The following APBA2 variants were observed in gnomAD, a reference collection of about 807,000 sequenced individuals.
APBA2 encodes amyloid beta precursor protein binding family A member 2, also known as amyloid-beta A4 precursor protein-binding family A member 2.
A neutral mutation model predicts 75.0 loss-of-function variants in APBA2; 30 were observed. The observed-to-expected ratio is 0.40, with a 90% CI of 0.30 to 0.54. APBA2 has a LOEUF of 0.54. Ranked by LOEUF, APBA2 falls within the 20% of genes least tolerant of loss-of-function variation. The probability of loss-of-function intolerance (pLI) is 0.49; values close to 1 mark genes in which losing one functional copy is unlikely to be tolerated. For missense variants in APBA2, 801 were observed against 1,016.1 expected, an observed-to-expected ratio of 0.79 and a Z score of 2.88; for synonymous variants, 444 against 409.6, an observed-to-expected ratio of 1.08 and a Z score of -1.01.
rs143649138 is a variant in APBA2, at chr15:29,054,294, C to T, written c.410C>T (p.Ala137Val). ...GTGGACACTGATGAGTGCCAGGAGGCGGTGGAGGAGTGGACGGACTCGGCG... is the reference window on the plus strand; with the variant it reads ...GTGGACACTGATGAGTGCCAGGAGGTGGTGGAGGAGTGGACGGACTCGGCG... Reference protein sequence around the residue: ...HPVDTDECQEAVEEWTDSAGP... With the variant: ...HPVDTDECQEVVEEWTDSAGP... The change falls in exon 4 of 15, where the codon GCG (alanine) becomes GTG (valine). Residue 137 changes from alanine to valine, a missense_variant. Physicochemically the swap from Ala to Val is moderately conservative, Grantham distance 64 (BLOSUM62 0). Transcript: ENST00000683413. This position sits in a 1 kb window ranked among gnomAD's most constrained non-coding sequence, Gnocchi z 6.1. The T allele has an allele frequency of 1.4e-3, 2,320 of 1,614,084 alleles. 5 individuals are homozygous for T. Among genetic ancestry groups the T allele is most frequent in the Non-Finnish European group, 1.9e-3 (2,227 of 1,180,008 alleles).
intron 14 of APBA2, among the ~76,000 whole-genome samples, chr15:29,116,627 CAAAAA>C (rs531479741): frequency 3.9e-4 from 46 of 116,754 alleles, no homozygotes; most frequent in Admixed American, 2.5e-3. Context: ...GACTCCGTCT[CAAAAA>C]AAAAAAAAAA....
At chr15:29,088,779 G>A (rs1202156104) in intron 6 of APBA2, among the ~76,000 whole-genome samples, 2 of 152,044 alleles carry the variant, frequency 1.3e-5, no homozygotes, top group African/African-American at 4.8e-5. Context: ...CCTGTCACCC[G>A]TGGCCCCAGG....
At chr15:29,018,193 G>A (rs1166400456) in intron 3 of APBA2, among the ~76,000 whole-genome samples, 1 of 152,174 alleles carries the variant, frequency 6.6e-6, no homozygotes, top group African/African-American at 2.4e-5. Flanking sequence ...ATAGAGATCG[G>A]TAGGTAGAAA....
chr15:28,901,273 G>T (rs989093437), intron 1 of APBA2, among the ~76,000 whole-genome samples: 1 of 152,312 alleles, frequency 6.6e-6, no homozygotes, highest in African/African-American at 2.4e-5. Flanking sequence ...GGTGGGCCTG[G>T]TGGTGCTGCC....
Position 28,921,744 on chromosome 15 carries a change from T to G in APBA2, c.-100T>G, listed in dbSNP as rs747207353. 2 of 152,186 alleles carry G rather than the reference T, an allele frequency of 1.3e-5. No homozygotes were observed. Among genetic ancestry groups the G allele is most frequent in the Non-Finnish European group, 2.9e-5 (2 of 68,054 alleles). 9.4% of individuals were successfully genotyped at this position (152,186 alleles called of 1,614,324 possible). A position where few individuals can be genotyped will look rare whatever the true frequency, so the allele number is the denominator to read the frequency against. On this transcript the variant is annotated 5_prime_UTR_variant, in exon 2 of 15. Transcript: ENST00000683413. Reference sequence around the variant, plus strand: ...GTGAGCCTCTTCTTGTGTCTGGAGATTCTGAGTGAGTAGAACCCGTTATGA... The same window carrying G: ...GTGAGCCTCTTCTTGTGTCTGGAGAGTCTGAGTGAGTAGAACCCGTTATGA...
intron 2 of APBA2, among the ~76,000 whole-genome samples, chr15:28,946,935 G>A (rs1020717274): frequency 6.6e-6 from 1 of 152,176 alleles, no homozygotes; most frequent in African/African-American, 2.4e-5. Context: ...GTTGTCTGAA[G>A]TCACTAGATT....
chr15:29,060,477 G>A (rs1010479002), intron 4 of APBA2, among the ~76,000 whole-genome samples: 21 of 152,246 alleles, frequency 1.4e-4, no homozygotes, highest in Non-Finnish European at 2.4e-4. Flanking sequence ...GAGCCTGCCT[G>A]CTGGAGGGTG....
intron 3 of APBA2, among the ~76,000 whole-genome samples, chr15:29,005,057 C>T (rs1010474176): frequency 4.6e-5 from 7 of 152,116 alleles, no homozygotes; most frequent in Admixed American, 2.6e-4. Context: ...AACAACCCCC[C>T]AGGTGGTGCA....
intron 10 of APBA2, among the ~76,000 whole-genome samples, chr15:29,105,038 A>G (rs2044325004): frequency 6.6e-6 from 1 of 152,180 alleles, no homozygotes; most frequent in East Asian, 1.9e-4. Flanking sequence ...AAAATATGAC[A>G]TGTAGTAAAT....
intron 11 of APBA2, among the ~76,000 whole-genome samples, 172 bp from the exon 12 acceptor site, chr15:29,106,434 TG>T (rs2044407519): frequency 2.0e-4 from 1 of 4,966 alleles, no homozygotes; most frequent in Non-Finnish European, 4.0e-4. Context: ...AGGCTGGGGG[TG>T]GGTGGGCAGG....
At chr15:29,105,709 C>A in intron 11 of APBA2, 151 bp downstream of exon 11, 1 of 821,666 alleles carries the variant, frequency 1.2e-6, no homozygotes, top group Non-Finnish European at 2.0e-6. Context: ...TCGCTCCTGC[C>A]TTCCAGCTGA....
intron 2 of APBA2, among the ~76,000 whole-genome samples, chr15:28,965,100 G>C (rs1450689729): frequency 6.6e-6 from 1 of 151,508 alleles, no homozygotes; most frequent in African/African-American, 2.4e-5. Context: ...ATGTCTTATA[G>C]TTTTATATTT....
intron 3 of APBA2, among the ~76,000 whole-genome samples, chr15:29,028,840 C>CT (rs1444242924): frequency 1.3e-5 from 2 of 152,060 alleles, no homozygotes; most frequent in Non-Finnish European, 2.9e-5. Flanking sequence ...TCTTTGCCTG[C>CT]TTTTTAATGG....
chr15:28,952,503 T>C (rs1405758551), intron 2 of APBA2, among the ~76,000 whole-genome samples: 1 of 152,174 alleles, frequency 6.6e-6, no homozygotes, highest in East Asian at 1.9e-4. Flanking sequence ...CTGCATTCCA[T>C]CCTGGCTAAC....
intron 2 of APBA2, among the ~76,000 whole-genome samples, chr15:28,937,121 G>A (rs994878743): frequency 1.3e-5 from 2 of 152,144 alleles, no homozygotes; most frequent in African/African-American, 2.4e-5. Context: ...CCATGTGCCC[G>A]GTGGTGGTCT....
intron 3 of APBA2, among the ~76,000 whole-genome samples, chr15:29,041,058 A>G (rs1317542822): frequency 6.6e-6 from 1 of 152,236 alleles, no homozygotes; most frequent in Non-Finnish European, 1.5e-5. Context: ...TAGGAATTTT[A>G]GAATGAAGTA....
chr15:28,941,285 G>A (rs765843640), intron 2 of APBA2, among the ~76,000 whole-genome samples: 3 of 152,068 alleles, frequency 2.0e-5, no homozygotes, highest in Non-Finnish European at 4.4e-5. Context: ...GGGGCCTGCT[G>A]ACATCTCAGG....
intron 3 of APBA2, among the ~76,000 whole-genome samples, chr15:29,035,639 G>A (rs995149507): frequency 6.6e-6 from 1 of 152,196 alleles, no homozygotes; most frequent in African/African-American, 2.4e-5. Flanking sequence ...CAGGGAGACT[G>A]CTGGCTCATT....
chr15:28,957,912 A>G (rs2036260538), intron 2 of APBA2, among the ~76,000 whole-genome samples: 1 of 152,142 alleles, frequency 6.6e-6, no homozygotes, highest in South Asian at 2.1e-4. Context: ...TGTGGCCTGT[A>G]CTTCACCAAG....
Sources: gnomAD v4.1 joint callset for allele counts (sites outside exome capture counted in the v4.1 genomes callset) on GRCh38, gnomAD v4.1.1 for gene constraint, Gnocchi (gnomAD v3.1) non-coding constraint, MANE v1.5 for transcripts, NCBI Gene and HGNC (gene_info 2026-07-23, HGNC 2026-07-21) for gene names.